Variants in PDE7B observed in about 807,000 individuals in gnomAD.
PDE7B encodes phosphodiesterase 7B.
PDE7B carries 29 observed loss-of-function variants against 56.2 expected under a neutral mutation model. That is an observed-to-expected ratio of 0.52 (90% confidence interval 0.38 to 0.70). The LOEUF is 0.70. Ranked by LOEUF, PDE7B falls within the 30% of genes least tolerant of loss-of-function variation. The pLI, the probability that PDE7B is intolerant of heterozygous loss-of-function variation, is 0.00. For synonymous variants in PDE7B, 197 were observed against 196.9 expected, an observed-to-expected ratio of 1.00 and a Z score of 0.00; for missense variants, 490 against 565.0, an observed-to-expected ratio of 0.87 and a Z score of 1.35.
chr6:136,006,289 G>T (rs926201979), intron 2 of PDE7B, among the ~76,000 whole-genome samples: 1 of 151,582 alleles, frequency 6.6e-6, no homozygotes, highest in Non-Finnish European at 1.5e-5. Flanking sequence ...ACACCAGCAT[G>T]ACACATGTAT....
intron 1 of PDE7B, among the ~76,000 whole-genome samples, chr6:135,925,987 AG>A (rs747364172): frequency 6.6e-6 from 1 of 151,574 alleles, no homozygotes; most frequent in African/African-American, 2.4e-5. Flanking sequence ...ACAAAAGAAA[AG>A]AATATAAATT....
At chr6:136,186,472 C>G (rs565477844) in intron 11 of PDE7B, among the ~76,000 whole-genome samples, 1 of 152,054 alleles carries the variant, frequency 6.6e-6, no homozygotes, top group South Asian at 2.1e-4. Context: ...TACTTTTTTT[C>G]ACCTTCAGTT....
rs541839116 is a variant in PDE7B, at chr6:136,083,830, T to C, written c.83-24901T>C. ...TCCCCTCTCTCTCTCTCCTCCCACATTGATATTTTTCTTTTTTTTCAGAAA... is the reference window on the plus strand; with the variant it reads ...TCCCCTCTCTCTCTCTCCTCCCACACTGATATTTTTCTTTTTTTTCAGAAA... On this transcript the variant is annotated intron_variant, in intron 2 of 12. Coordinates refer to ENST00000308191, the MANE Select transcript of PDE7B (RefSeq NM_018945.4). 1.3e-4 allele frequency among the ~76,000 whole-genome samples: 20 copies of C among 152,188 alleles called. No homozygotes were observed. In the South Asian group the frequency reaches 4.1e-3, roughly 32 times the overall value.
intron 2 of PDE7B, among the ~76,000 whole-genome samples, chr6:136,024,683 A>C (rs1283563669): frequency 6.6e-6 from 1 of 152,140 alleles, no homozygotes. Flanking sequence ...GTATGCTTGC[A>C]TTTCATCCTC....
rs548541842 is a variant in PDE7B, at chr6:136,000,434, T to C, written c.82+52910T>C. 2.0e-5 allele frequency among the ~76,000 whole-genome samples: 3 copies of C among 152,320 alleles called. No homozygotes were observed. The South Asian group carries it at 6.2e-4, about 32-fold the overall frequency. On this transcript the variant is annotated intron_variant, in intron 2 of 12. Transcript: ENST00000308191. ...ATTGAGTTGATTTTTGTATATAGCA[T>C]AAGAAAGTAGTCCAGTTTTAATCTT...
chr6:136,191,044 A>G (rs920200131), intron 12 of PDE7B, among the ~76,000 whole-genome samples: 1 of 71,244 alleles, frequency 1.4e-5, no homozygotes, highest in African/African-American at 8.2e-5. Flanking sequence ...TTTTACTTAT[A>G]TGTCTTTCTC....
chr6:136,155,811 C>T (rs749273405), intron 8 of PDE7B, 53 bp downstream of exon 8: 25 of 1,583,250 alleles, frequency 1.6e-5, no homozygotes, highest in Non-Finnish European at 2.1e-5. Flanking sequence ...GCCTTAGGCC[C>T]GGTGCTCAAG....
chr6:135,928,776 TG>T (rs1318657773), intron 1 of PDE7B, among the ~76,000 whole-genome samples: 14 of 151,396 alleles, frequency 9.2e-5, no homozygotes, highest in African/African-American at 3.4e-4. Context: ...GACACAAAGA[TG>T]GGAACAATAA....
chr6:135,861,026 C>T (rs768629173), intron 1 of PDE7B, among the ~76,000 whole-genome samples: 1 of 151,892 alleles, frequency 6.6e-6, no homozygotes, highest in Admixed American at 6.6e-5. Context: ...AGTGTTATAT[C>T]TGAAGACTAG....
intron 3 of PDE7B, among the ~76,000 whole-genome samples, chr6:136,110,637 T>G (rs1354523772): frequency 2.6e-5 from 4 of 152,166 alleles, no homozygotes; most frequent in African/African-American, 9.7e-5. Flanking sequence ...ATAAGCAACT[T>G]TACTGCTAAT....
At chr6:136,056,081 G>T (rs1776723542) in intron 2 of PDE7B, among the ~76,000 whole-genome samples, 1 of 152,168 alleles carries the variant, frequency 6.6e-6, no homozygotes, top group South Asian at 2.1e-4. Context: ...AGAATGAGGG[G>T]AAACGTAGAA....
intron 2 of PDE7B, among the ~76,000 whole-genome samples, chr6:136,099,017 C>T (rs1239058527): frequency 3.6e-5 from 5 of 140,122 alleles, no homozygotes; most frequent in Admixed American, 3.2e-4. Context: ...TGAGTGAGAA[C>T]ATGCAGTGTA....
At chr6:136,005,290 A>G (rs1775759357) in intron 2 of PDE7B, among the ~76,000 whole-genome samples, 1 of 152,238 alleles carries the variant, frequency 6.6e-6, no homozygotes, top group African/African-American at 2.4e-5. Flanking sequence ...GGACATAGGC[A>G]TGGGCAAGGA....
chr6:136,191,741 C>G lies in PDE7B; in HGVS notation c.1254C>G (p.Pro418=). 6.2e-7 allele frequency: 1 copy of G among 1,605,938 alleles called. No individual in the cohort carries two copies. Among genetic ancestry groups the G allele is most frequent in the Non-Finnish European group, 8.5e-7 (1 of 1,176,418 alleles). The stretch of plus-strand genomic sequence containing the variant: ...AGGCCCAGTGGAAGAGCCTGTTGCC[C>G]AGGCAGCACAGAAGCAGGGGCAGCA... ...HNKAQWKSLL[P]RQHRSRGSSG... The change falls in exon 13 of 13, where the codon CCC becomes CCG. Residue 418 remains proline (P), a synonymous_variant. Transcript: ENST00000308191.
intron 1 of PDE7B, among the ~76,000 whole-genome samples, chr6:135,879,858 T>G (rs191526113): frequency 1.8e-4 from 28 of 152,320 alleles, no homozygotes; most frequent in Admixed American, 7.2e-4. Flanking sequence ...CCTCAAGTTG[T>G]AATCTTATAG....
intron 1 of PDE7B, among the ~76,000 whole-genome samples, chr6:135,885,575 G>A (rs964207702): frequency 2.0e-5 from 3 of 152,108 alleles, no homozygotes; most frequent in Admixed American, 6.5e-5. Context: ...AATGTCTATT[G>A]CAAATGAAAA....
intron 2 of PDE7B, among the ~76,000 whole-genome samples, chr6:135,981,910 G>A (rs1775304182): frequency 6.6e-6 from 1 of 152,034 alleles, no homozygotes; most frequent in South Asian, 2.1e-4. Context: ...CATATGCCTG[G>A]CAGAGAAGTA....
At chr6:136,099,329 T>C (rs1186522055) in intron 2 of PDE7B, among the ~76,000 whole-genome samples, 2 of 152,354 alleles carry the variant, frequency 1.3e-5, no homozygotes, top group South Asian at 2.1e-4. Flanking sequence ...TTTCTAGTTC[T>C]AGATCCTTGA....
At chr6:135,926,136 C>T (rs374914476) in intron 1 of PDE7B, among the ~76,000 whole-genome samples, 1 of 133,852 alleles carries the variant, frequency 7.5e-6, no homozygotes, top group Admixed American at 8.5e-5. Context: ...GCCCAGGCTG[C>T]AGTGCAGTGG....
Sources: allele counts gnomAD v4.1 joint callset (sites outside exome capture counted in the v4.1 genomes callset), GRCh38; gene constraint gnomAD v4.1.1; transcripts MANE v1.5; gene names NCBI Gene and HGNC (gene_info 2026-07-23, HGNC 2026-07-21).